The following KAZN variants were observed in gnomAD, a reference collection of about 807,000 sequenced individuals.
KAZN encodes kazrin, periplakin interacting protein.
A neutral mutation model predicts 87.4 loss-of-function variants in KAZN; 40 were observed. The ratio of observed to expected loss-of-function variants is 0.46; its 90% CI spans 0.36 to 0.60. The LOEUF is 0.60. KAZN is among the 20% of genes least tolerant of loss of function. The probability of loss-of-function intolerance (pLI) is 0.00; values close to 1 mark genes in which losing one functional copy is unlikely to be tolerated. For synonymous variants in KAZN, 466 were observed against 458.3 expected (o/e 1.02, Z -0.22); for missense variants, 898 against 1,073.9 (o/e 0.84, Z 2.29).
intron 1 of KAZN, among the ~76,000 whole-genome samples, chr1:13,937,659 G>T (rs12031163): frequency 0.016 from 2,493 of 152,234 alleles, 63 homozygotes; most frequent in African/African-American, 0.055. Context: ...AGAGTTTCAG[G>T]TCTTATATTT....
intron 1 of KAZN, among the ~76,000 whole-genome samples, chr1:14,879,621 T>C (rs1445605851): frequency 6.6e-6 from 1 of 152,132 alleles, no homozygotes; most frequent in African/African-American, 2.4e-5. Flanking sequence ...TTGGCTCAGA[T>C]TGACTTAAAG....
chr1:15,103,134 G>A (rs1187105113), intron 11 of KAZN, among the ~76,000 whole-genome samples: 5 of 152,224 alleles, frequency 3.3e-5, no homozygotes, highest in African/African-American at 9.6e-5. Context: ...CGGTGTGGTG[G>A]CAGGTGCCTG....
chr1:14,813,864 T>C (rs1037516701), intron 1 of KAZN, among the ~76,000 whole-genome samples: 1 of 152,182 alleles, frequency 6.6e-6, no homozygotes, highest in South Asian at 2.1e-4. Context: ...ACAGAGGATG[T>C]AGAGCATTTG....
intron 1 of KAZN, among the ~76,000 whole-genome samples, chr1:14,939,752 C>T (rs564250654): frequency 1.2e-4 from 18 of 152,260 alleles, no homozygotes; most frequent in African/African-American, 3.1e-4. Context: ...TTGTTGTCCA[C>T]GGCACAGGCT....
intron 1 of KAZN, among the ~76,000 whole-genome samples, chr1:14,757,690 G>A (rs577275036): frequency 1.4e-4 from 22 of 152,276 alleles, no homozygotes; most frequent in African/African-American, 2.4e-4. Context: ...ATAGTTTGTC[G>A]CAGTAGTCCC....
At chr1:15,111,199 A>G (rs1447887972) in intron 13 of KAZN, among the ~76,000 whole-genome samples, 1 of 152,170 alleles carries the variant, frequency 6.6e-6, no homozygotes, top group East Asian at 1.9e-4. Context: ...GAACTTTCTC[A>G]GCAAAATTTG....
chr1:14,849,615 C>T (rs560454853), intron 1 of KAZN, among the ~76,000 whole-genome samples: 152 of 152,286 alleles, frequency 1.0e-3, no homozygotes, highest in African/African-American at 3.5e-3. Context: ...AGAATACTGG[C>T]GCAGCTGAAT....
At chr1:14,723,878 A>G (rs1643246233) in intron 1 of KAZN, among the ~76,000 whole-genome samples, 1 of 152,226 alleles carries the variant, frequency 6.6e-6, no homozygotes, top group African/African-American at 2.4e-5. Context: ...GGCACTGGGA[A>G]CCCAGAGGTG....
chr1:14,589,444 CCCTT>C (rs1188955985), intron 2 of KAZN, among the ~76,000 whole-genome samples: 1 of 152,162 alleles, frequency 6.6e-6, no homozygotes, highest in African/African-American at 2.4e-5. Flanking sequence ...CAAAATATCT[CCCTT>C]CCAATTATGC....
chr1:14,459,193 A>G (rs1038479442), intron 2 of KAZN, among the ~76,000 whole-genome samples: 7 of 151,580 alleles, frequency 4.6e-5, no homozygotes, highest in Admixed American at 1.3e-4. Context: ...ATTTCCCCCT[A>G]CCCTGTTATG....
At chr1:14,495,668 ACT>A (rs1669901192) in intron 2 of KAZN, among the ~76,000 whole-genome samples, 1 of 152,084 alleles carries the variant, frequency 6.6e-6, no homozygotes. Flanking sequence ...GGTCTCTCCA[ACT>A]CTCCTTCTTT....
At chr1:14,139,728 G>A (rs1245825325) in intron 1 of KAZN, among the ~76,000 whole-genome samples, 2 of 152,214 alleles carry the variant, frequency 1.3e-5, no homozygotes, top group African/African-American at 4.8e-5. Flanking sequence ...GTAGAGGAGA[G>A]AATACTGTTC....
intron 2 of KAZN, among the ~76,000 whole-genome samples, chr1:14,329,361 G>C (rs1286250885): frequency 6.6e-6 from 1 of 152,200 alleles, no homozygotes; most frequent in Non-Finnish European, 1.5e-5. Flanking sequence ...CATAAACAGA[G>C]AGTGTGGGCA....
chr1:14,837,550 A>AT (rs1164233693), intron 1 of KAZN, among the ~76,000 whole-genome samples: 7,196 of 117,664 alleles, frequency 0.061, 290 homozygotes, highest in Middle Eastern at 0.096. Context: ...TAGCTGTATA[A>AT]TTTTTTTTTT....
intron 2 of KAZN, among the ~76,000 whole-genome samples, chr1:14,191,549 TGA>T (rs1646419890): frequency 6.6e-6 from 1 of 152,114 alleles, no homozygotes. Flanking sequence ...GTCTTCAGCC[TGA>T]GAGAGAGTTC....
intron 2 of KAZN, among the ~76,000 whole-genome samples, chr1:14,485,242 A>G (rs1389886139): frequency 6.6e-6 from 1 of 152,258 alleles, no homozygotes; most frequent in Non-Finnish European, 1.5e-5. Context: ...ACCACGTTGC[A>G]TTCAAAGAAA....
intron 1 of KAZN, among the ~76,000 whole-genome samples, chr1:14,629,312 T>C (rs1170822507): frequency 6.6e-6 from 1 of 152,228 alleles, no homozygotes. Flanking sequence ...AAGAGCCTTT[T>C]GTGAACATCA....
intron 2 of KAZN, among the ~76,000 whole-genome samples, chr1:14,559,482 G>A (rs1674124621): frequency 6.6e-6 from 1 of 152,184 alleles, no homozygotes; most frequent in Admixed American, 6.5e-5. Context: ...GGAGCAAGTG[G>A]CCCATAACTC....
At chr1:14,284,115 G>C (rs969609796) in intron 2 of KAZN, among the ~76,000 whole-genome samples, 1 of 151,888 alleles carries the variant, frequency 6.6e-6, no homozygotes, top group African/African-American at 2.4e-5. Flanking sequence ...GATCGGGGCT[G>C]GGGGGAGCAA....
Sources: gnomAD v4.1 joint callset for allele counts (sites outside exome capture counted in the v4.1 genomes callset) on GRCh38, gnomAD v4.1.1 for gene constraint, MANE v1.5 for transcripts, NCBI Gene and HGNC (gene_info 2026-07-23, HGNC 2026-07-21) for gene names.